Variants in QTMAN observed in about 807,000 individuals in gnomAD.
QTMAN encodes queuosine-tRNA mannosyltransferase.
chr2:144,139,563 C>T, the QTMAN span, among the ~76,000 whole-genome samples: 3 of 152,022 alleles, frequency 2.0e-5, no homozygotes, highest in Admixed American at 6.6e-5. Flanking sequence ...TACATGACTA[C>T]GGCGTCTAAG....
the QTMAN span, among the ~76,000 whole-genome samples, chr2:143,948,609 G>C: frequency 6.6e-6 from 1 of 152,052 alleles, no homozygotes; most frequent in Admixed American, 6.6e-5. Flanking sequence ...GCTATAAAAT[G>C]TCTTTCAACA....
the QTMAN span, among the ~76,000 whole-genome samples, chr2:144,316,582 T>C: frequency 6.6e-6 from 1 of 152,154 alleles, no homozygotes; most frequent in Non-Finnish European, 1.5e-5. Flanking sequence ...TACCATGGCA[T>C]CACTTACACC....
the QTMAN span, among the ~76,000 whole-genome samples, chr2:144,215,949 C>T: frequency 6.6e-6 from 1 of 152,140 alleles, no homozygotes; most frequent in African/African-American, 2.4e-5. Context: ...AGGGTAAAAT[C>T]CAAGGCCCAA....
At chr2:144,291,824 A>G in the QTMAN span, among the ~76,000 whole-genome samples, 3 of 152,068 alleles carry the variant, frequency 2.0e-5, no homozygotes, top group Non-Finnish European at 4.4e-5. Flanking sequence ...TCATACTACC[A>G]CTTGTCTGAA....
chr2:144,200,304 C>G, the QTMAN span, among the ~76,000 whole-genome samples: 1 of 152,184 alleles, frequency 6.6e-6, no homozygotes, highest in Admixed American at 6.5e-5. Context: ...GTCATTTATT[C>G]TGATAGTGTC....
chr2:144,209,453 C>T, the QTMAN span, among the ~76,000 whole-genome samples: 1 of 152,220 alleles, frequency 6.6e-6, no homozygotes, highest in Non-Finnish European at 1.5e-5. Context: ...CACTTCCCCA[C>T]ACTTGTCAAT....
the QTMAN span, among the ~76,000 whole-genome samples, chr2:143,975,197 T>C: frequency 6.6e-6 from 1 of 152,268 alleles, no homozygotes; most frequent in Non-Finnish European, 1.5e-5. Flanking sequence ...TCTCTCTCTG[T>C]TGCCTTTCCA....
At chr2:144,154,626 C>A in the QTMAN span, among the ~76,000 whole-genome samples, 2 of 152,114 alleles carry the variant, frequency 1.3e-5, no homozygotes, top group Admixed American at 1.3e-4. Flanking sequence ...AAGAACTTGC[C>A]TGATCACCAA....
chr2:144,279,724 T>C, the QTMAN span, among the ~76,000 whole-genome samples: 1 of 152,214 alleles, frequency 6.6e-6, no homozygotes. Flanking sequence ...AAGTAACTCA[T>C]GACAATTAGG....
the QTMAN span, among the ~76,000 whole-genome samples, chr2:143,969,321 G>T: frequency 1.3e-5 from 2 of 152,208 alleles, no homozygotes; most frequent in African/African-American, 4.8e-5. Flanking sequence ...TTCACCCTCT[G>T]TTGCCTATGT....
At chr2:144,327,255 G>A in the QTMAN span, among the ~76,000 whole-genome samples, 9 of 149,176 alleles carry the variant, frequency 6.0e-5, no homozygotes, top group South Asian at 4.5e-4. Context: ...CACCCCACAC[G>A]TCTCTTCATC....
chr2:144,007,473 C>T, the QTMAN span: 1 of 1,611,752 alleles, frequency 6.2e-7, no homozygotes, highest in Non-Finnish European at 8.5e-7. Flanking sequence ...CAGAACCGCA[C>T]CGCCATTTCC....
At chr2:144,022,560 C>CTTTTTTTTTTTTTTTTTTTT in the QTMAN span, among the ~76,000 whole-genome samples, 1 of 104,244 alleles carries the variant, frequency 9.6e-6, no homozygotes, top group African/African-American at 4.3e-5. Flanking sequence ...CTCTCTCTCT[C>CTTTTTTTTTTTTTTTTTTTT]TTTTTTTTTT....
the QTMAN span, among the ~76,000 whole-genome samples, chr2:144,238,850 T>G: frequency 6.6e-6 from 1 of 152,142 alleles, no homozygotes; most frequent in African/African-American, 2.4e-5. Context: ...CCACTATTGC[T>G]AAGGCTGGCA....
At chr2:144,281,395 CAAAAAAAAAA>C in the QTMAN span, among the ~76,000 whole-genome samples, 11 of 60,592 alleles carry the variant, frequency 1.8e-4, 1 homozygote, top group African/African-American at 2.6e-4. Context: ...ATTGTTATAG[CAAAAAAAAAA>C]AAAAAAAAAA....
At chr2:144,269,714 A>G in the QTMAN span, among the ~76,000 whole-genome samples, 2 of 152,108 alleles carry the variant, frequency 1.3e-5, no homozygotes, top group African/African-American at 4.8e-5. Flanking sequence ...CCTGATTCTG[A>G]CTAAGATCCA....
chr2:144,144,247 C>T, the QTMAN span, among the ~76,000 whole-genome samples: 2 of 151,924 alleles, frequency 1.3e-5, no homozygotes, highest in Non-Finnish European at 2.9e-5. Context: ...GACTTACATT[C>T]TTAAAAATCC....
At chr2:144,023,564 A>T in the QTMAN span, among the ~76,000 whole-genome samples, 1 of 152,194 alleles carries the variant, frequency 6.6e-6, no homozygotes, top group Non-Finnish European at 1.5e-5. Flanking sequence ...TATAGTGAAC[A>T]TTATTGTGAG....
chr2:144,128,195 C>T, the QTMAN span: 1 of 151,970 alleles, frequency 6.6e-6, no homozygotes, highest in Non-Finnish European at 1.5e-5. Context: ...CTGATTCACT[C>T]AGGATCTGTG....
Sources: gnomAD v4.1 joint callset for allele counts (sites outside exome capture counted in the v4.1 genomes callset) on GRCh38, gnomAD v4.1.1 for gene constraint, MANE v1.5 for transcripts, NCBI Gene and HGNC (gene_info 2026-07-23, HGNC 2026-07-21) for gene names.